Variants in NALF1 observed in about 807,000 individuals in gnomAD.
NALF1 encodes the protein family with sequence similarity 155 member A.
Under a neutral mutation model 48.4 loss-of-function variants are expected in NALF1, and 3 were observed. The ratio of observed to expected loss-of-function variants is 0.06; its 90% CI spans 0.03 to 0.16. The LOEUF (loss-of-function observed/expected upper bound fraction) is 0.16. Among genes scored for constraint, NALF1 ranks in the 10% least tolerant of loss-of-function variants. The probability of loss-of-function intolerance (pLI) is 1.00; values close to 1 mark genes in which losing one functional copy is unlikely to be tolerated. For missense variants in NALF1, 526 were observed against 571.5 expected (o/e 0.92, Z 0.81); for synonymous variants, 262 against 245.7 (o/e 1.07, Z -0.62).
Position 107,170,503 on chromosome 13 carries a change from C to A in NALF1, c.1371G>T (p.Glu457Asp). 1 of 1,597,356 alleles carries A rather than the reference C, an allele frequency of 6.3e-7. No individual in the cohort carries two copies. The highest frequency in any genetic ancestry group is 8.5e-7 in the Non-Finnish European group (1 of 1,169,998). Residue 457 changes from glutamate to aspartate, a missense_variant, in exon 3 of 3, where the codon GAG becomes GAT. This residue lies in a region of NALF1 where 153 missense variants were observed against 215.9 expected (regional missense o/e 0.71). Coordinates refer to ENST00000375915, the MANE Select transcript of NALF1 (RefSeq NM_001080396.3). ...GGTGACACTCGTCCTTCCGTTACTC[C>A]TCATTGGTTGAGTTTTCTTCCAGCG... ...INTLEENSTN[E>D]E
In NALF1 at chr13:107,210,641, T is replaced by C. The variant is rs773952630; in HGVS notation, c.1030A>G (p.Ile344Val). 1.9e-6 allele frequency: 3 copies of C among 1,613,210 alleles called. No homozygotes were observed. The highest frequency in any genetic ancestry group is 2.5e-6 in the Non-Finnish European group (3 of 1,179,342). ...ATGACTTCATCATTGTCGGGCAATATAAATGGACACCTCGTCTGAACCTCC... is the reference window on the plus strand; with the variant it reads ...ATGACTTCATCATTGTCGGGCAATACAAATGGACACCTCGTCTGAACCTCC... ...CLEVQTRCPF[I>V]LPDNDEVIYG... The change falls in exon 2 of 3, where the codon ATA (isoleucine) becomes GTA (valine). Residue 344 changes from isoleucine to valine, a missense_variant. Ile to Val is a conservative substitution (Grantham distance 29). Transcript: ENST00000375915.
intron 1 of NALF1, among the ~76,000 whole-genome samples, chr13:107,819,922 A>G (rs1448362629): frequency 1.3e-5 from 2 of 152,150 alleles, no homozygotes; most frequent in African/African-American, 2.4e-5. Context: ...AAAGTTGTCT[A>G]AATTGGGTCT....
At chr13:107,206,436 T>C (rs1879644921) in intron 2 of NALF1, among the ~76,000 whole-genome samples, 1 of 152,162 alleles carries the variant, frequency 6.6e-6, no homozygotes, top group Admixed American at 6.5e-5. Flanking sequence ...TACTAAAGGA[T>C]CATAGGTAGC....
intron 1 of NALF1, among the ~76,000 whole-genome samples, chr13:107,299,878 G>A (rs965588233): frequency 1.3e-5 from 2 of 152,054 alleles, no homozygotes; most frequent in African/African-American, 4.8e-5. Context: ...GTTCCTGTTT[G>A]AACACCTCAT....
chr13:107,708,772 C>G (rs1875479551), intron 1 of NALF1, among the ~76,000 whole-genome samples: 1 of 151,700 alleles, frequency 6.6e-6, no homozygotes, highest in Admixed American at 6.6e-5. Flanking sequence ...GCAGGATGTG[C>G]AAGTTTGTTA....
intron 1 of NALF1, among the ~76,000 whole-genome samples, chr13:107,437,528 T>C (rs1489821459): frequency 1.3e-5 from 2 of 152,176 alleles, no homozygotes; most frequent in African/African-American, 4.8e-5. Context: ...GAACAAATCA[T>C]GGTACACATA....
At chr13:107,261,337 C>A (rs1880923492) in intron 1 of NALF1, among the ~76,000 whole-genome samples, 2 of 152,160 alleles carry the variant, frequency 1.3e-5, no homozygotes, top group Admixed American at 6.5e-5. Flanking sequence ...AACCTCCAGT[C>A]CCATCCCTGG....
intron 1 of NALF1, among the ~76,000 whole-genome samples, chr13:107,693,655 A>T (rs1881627467): frequency 6.7e-6 from 1 of 149,378 alleles, no homozygotes; most frequent in South Asian, 2.1e-4. Flanking sequence ...CATTGCACCT[A>T]GTTCATTATT....
intron 1 of NALF1, among the ~76,000 whole-genome samples, chr13:107,599,184 G>A (rs764222480): frequency 4.6e-5 from 7 of 152,046 alleles, no homozygotes; most frequent in Non-Finnish European, 8.8e-5. Flanking sequence ...ATATTGGGAG[G>A]CCGAGGCGGG....
At chr13:107,816,481 C>T (rs921716665) in intron 1 of NALF1, among the ~76,000 whole-genome samples, 3 of 152,016 alleles carry the variant, frequency 2.0e-5, no homozygotes, top group African/African-American at 4.8e-5. Context: ...CATAAGATCT[C>T]GTGAGACTTA....
rs1009301786 is a variant in NALF1, at chr13:107,299,398, C to T, written c.916-88643G>A. On this transcript the variant is annotated intron_variant, in intron 1 of 2. Transcript: ENST00000375915. ...GTAGCAGTGAGCGAGATCCTGCCAC[C>T]GCACTCCAGCCTGGGCTACAGAGCG... is the stretch of plus-strand genomic sequence containing the variant. Among the ~76,000 whole-genome samples, 3 of 150,198 alleles carry T rather than the reference C, an allele frequency of 2.0e-5. No individual in the cohort carries two copies. The East Asian group carries it at 5.9e-4, about 29-fold the overall frequency.
At chr13:107,566,494 C>A (rs1437010921) in intron 1 of NALF1, among the ~76,000 whole-genome samples, 2 of 152,112 alleles carry the variant, frequency 1.3e-5, no homozygotes, top group African/African-American at 4.8e-5. Context: ...GCTGGATACC[C>A]TTTCAGAACA....
chr13:107,398,719 A>C (rs911166055), intron 1 of NALF1, among the ~76,000 whole-genome samples: 1 of 152,178 alleles, frequency 6.6e-6, no homozygotes, highest in African/African-American at 2.4e-5. Flanking sequence ...CACACAGCAC[A>C]ATGACTGGTA....
chr13:107,538,244 G>A (rs1876894826), intron 1 of NALF1, among the ~76,000 whole-genome samples: 1 of 151,856 alleles, frequency 6.6e-6, no homozygotes, highest in Non-Finnish European at 1.5e-5. Context: ...CTTTCTATTT[G>A]TACAATCCAT....
intron 2 of NALF1, among the ~76,000 whole-genome samples, chr13:107,178,738 T>C (rs1319289653): frequency 6.6e-6 from 1 of 152,006 alleles, no homozygotes. Context: ...GGTCAGGAGA[T>C]CAAGACCATT....
At chr13:107,562,305 T>C (rs1326891283) in intron 1 of NALF1, among the ~76,000 whole-genome samples, 1 of 152,228 alleles carries the variant, frequency 6.6e-6, no homozygotes, top group African/African-American at 2.4e-5. Flanking sequence ...TGTGCAGTTT[T>C]ATTTCTAAGA....
chr13:107,486,049 A>C (rs1326386512), intron 1 of NALF1, among the ~76,000 whole-genome samples: 1 of 152,316 alleles, frequency 6.6e-6, no homozygotes, highest in Admixed American at 6.5e-5. Flanking sequence ...TTTTATGTAT[A>C]TCTTCCTCCA....
chr13:107,656,106 G>A (rs1880823224), intron 1 of NALF1, among the ~76,000 whole-genome samples: 1 of 151,088 alleles, frequency 6.6e-6, no homozygotes, highest in African/African-American at 2.4e-5. Flanking sequence ...TTAGGCAAAG[G>A]CTTCATGACC....
intron 1 of NALF1, among the ~76,000 whole-genome samples, chr13:107,429,634 C>T (rs1003101472): frequency 3.3e-5 from 5 of 152,178 alleles, no homozygotes; most frequent in Non-Finnish European, 4.4e-5. Context: ...GCCTTCACTC[C>T]TTCTTACTCA....
Sources: allele counts gnomAD v4.1 joint callset (sites outside exome capture counted in the v4.1 genomes callset), GRCh38; gene constraint gnomAD v4.1.1; regional missense constraint gnomAD v4.1.1; transcripts MANE v1.5; gene names NCBI Gene and HGNC (gene_info 2026-07-23, HGNC 2026-07-21).